Variants in POU6F2 observed in about 807,000 individuals in gnomAD.
POU6F2 encodes the protein POU domain, class 6, transcription factor 2.
POU6F2 carries 31 observed loss-of-function variants against 71.3 expected under a neutral mutation model. That is an observed-to-expected ratio of 0.43 (90% CI 0.33 to 0.59). The LOEUF is 0.59. Among genes scored for constraint, POU6F2 ranks in the 20% least tolerant of loss-of-function variants. The pLI, the probability that POU6F2 is intolerant of heterozygous loss-of-function variation, is 0.04. For synonymous variants in POU6F2, 347 were observed against 355.7 expected, an observed-to-expected ratio of 0.98 and a Z score of 0.27; for missense variants, 783 against 856.8, an observed-to-expected ratio of 0.91 and a Z score of 1.07.
chr7:39,051,000 C>T (rs575987977), intron 1 of POU6F2, among the ~76,000 whole-genome samples: 9 of 152,120 alleles, frequency 5.9e-5, no homozygotes, highest in East Asian at 5.8e-4. Context: ...CCAATTCATT[C>T]GCCTCTTTTT....
chr7:39,071,229 C>T (rs6957662), intron 1 of POU6F2, among the ~76,000 whole-genome samples: 47,026 of 151,736 alleles, frequency 0.31, 7,999 homozygotes, highest in East Asian at 0.77. Flanking sequence ...TAGATTCTCA[C>T]AAGGAATGGG....
At chr7:39,353,221 A>G (rs1196875115) in intron 5 of POU6F2, among the ~76,000 whole-genome samples, 1 of 152,202 alleles carries the variant, frequency 6.6e-6, no homozygotes, top group Non-Finnish European at 1.5e-5. Context: ...TCACACTTTC[A>G]TCTTCAAAGA....
chr7:39,121,985 C>T (rs967316523), intron 2 of POU6F2, among the ~76,000 whole-genome samples: 3 of 152,172 alleles, frequency 2.0e-5, no homozygotes, highest in Non-Finnish European at 2.9e-5. Flanking sequence ...AGGCATGAGC[C>T]ACCACACCCA....
chr7:39,368,686 A>G (rs1235268576), intron 5 of POU6F2, among the ~76,000 whole-genome samples: 1 of 152,188 alleles, frequency 6.6e-6, no homozygotes, highest in East Asian at 1.9e-4. Context: ...CTCTCCTATT[A>G]GGGGCTAATG....
At chr7:39,131,481 A>G (rs1792279634) in intron 2 of POU6F2, among the ~76,000 whole-genome samples, 1 of 152,194 alleles carries the variant, frequency 6.6e-6, no homozygotes, top group African/African-American at 2.4e-5. Context: ...GCTGCCATCA[A>G]GGGAGTGTTC....
intron 2 of POU6F2, among the ~76,000 whole-genome samples, chr7:39,103,924 G>T (rs1791624920): frequency 6.6e-6 from 1 of 152,224 alleles, no homozygotes; most frequent in Non-Finnish European, 1.5e-5. Context: ...GTTATGTCCA[G>T]CTATAATTAC....
chr7:39,080,072 G>A (rs978642895), intron 1 of POU6F2, among the ~76,000 whole-genome samples: 2 of 151,848 alleles, frequency 1.3e-5, no homozygotes, highest in Non-Finnish European at 2.9e-5. Flanking sequence ...GTATACTTAC[G>A]TCAATAAAAA....
intron 2 of POU6F2, among the ~76,000 whole-genome samples, chr7:39,161,292 C>G (rs1314551549): frequency 6.6e-6 from 1 of 152,212 alleles, no homozygotes; most frequent in Non-Finnish European, 1.5e-5. Context: ...AGTACTTTAT[C>G]TTTTCAGAAA....
chr7:39,394,852 T>A (rs1562814016), intron 5 of POU6F2, among the ~76,000 whole-genome samples: 1 of 152,120 alleles, frequency 6.6e-6, no homozygotes, highest in African/African-American at 2.4e-5. Context: ...TACACTGGCT[T>A]GTACCCATTG....
At chr7:39,022,275 T>A (rs1376852143) in intron 1 of POU6F2, among the ~76,000 whole-genome samples, 6 of 152,106 alleles carry the variant, frequency 3.9e-5, no homozygotes, top group Non-Finnish European at 8.8e-5. Context: ...TTGGATAAAA[T>A]GCCTTCTCAA....
intron 7 of POU6F2, among the ~76,000 whole-genome samples, chr7:39,444,724 G>A (rs1433851185): frequency 6.6e-6 from 1 of 152,230 alleles, no homozygotes; most frequent in Non-Finnish European, 1.5e-5. Flanking sequence ...CAGCTGTTGT[G>A]GCATATGGTG....
chr7:39,074,809 G>A (rs1049782402), intron 1 of POU6F2, among the ~76,000 whole-genome samples: 5 of 152,108 alleles, frequency 3.3e-5, no homozygotes, highest in Non-Finnish European at 7.4e-5. Context: ...GAAGGGTCGC[G>A]GACAGCAGGG....
chr7:39,344,469 G>A (rs1428801800), intron 5 of POU6F2, among the ~76,000 whole-genome samples: 1 of 152,124 alleles, frequency 6.6e-6, no homozygotes, highest in Non-Finnish European at 1.5e-5. Flanking sequence ...GGCAAACTTA[G>A]TACTAAGTTC....
At chr7:39,385,131 T>C (rs950780745) in intron 5 of POU6F2, among the ~76,000 whole-genome samples, 4 of 152,262 alleles carry the variant, frequency 2.6e-5, no homozygotes, top group East Asian at 1.9e-4. Flanking sequence ...GAAAATAAGA[T>C]ACCAAATAGC....
intron 1 of POU6F2, among the ~76,000 whole-genome samples, chr7:39,031,385 A>G (rs1789938852): frequency 1.3e-5 from 2 of 152,182 alleles, no homozygotes; most frequent in Admixed American, 6.5e-5. Flanking sequence ...TAAATTTTTG[A>G]TACTAATGCT....
intron 1 of POU6F2, among the ~76,000 whole-genome samples, chr7:39,067,704 T>C (rs1048458698): frequency 2.6e-5 from 4 of 152,160 alleles, no homozygotes; most frequent in Non-Finnish European, 2.9e-5. Context: ...TTTATAATTA[T>C]TGCTTTTATA....
chr7:39,406,024 G>A (rs1053020232), intron 5 of POU6F2: 2 of 153,534 alleles, frequency 1.3e-5, no homozygotes, highest in Admixed American at 1.3e-4. Flanking sequence ...CACCCTCTGA[G>A]AGCACGGAGG....
intron 6 of POU6F2, among the ~76,000 whole-genome samples, chr7:39,432,007 G>A (rs999986857): frequency 1.3e-5 from 2 of 152,190 alleles, no homozygotes; most frequent in African/African-American, 4.8e-5. Context: ...CGCTTCTCAG[G>A]AGATGCCACC....
chr7:39,260,145 T>G (rs1484904048), intron 4 of POU6F2, among the ~76,000 whole-genome samples: 2 of 135,216 alleles, frequency 1.5e-5, no homozygotes, highest in African/African-American at 5.9e-5. Flanking sequence ...CCACACACTC[T>G]GTACTCATAC....
Sources: allele counts gnomAD v4.1 joint callset (sites outside exome capture counted in the v4.1 genomes callset), GRCh38; gene constraint gnomAD v4.1.1; transcripts MANE v1.5; gene names NCBI Gene and HGNC (gene_info 2026-07-23, HGNC 2026-07-21).